Variants in RAD51AP1 observed in about 807,000 individuals in gnomAD.
RAD51AP1 encodes the protein RAD51 associated protein 1.
Under a neutral mutation model 34.3 loss-of-function variants are expected in RAD51AP1, and 14 were observed. That is an observed-to-expected ratio of 0.41 (90% confidence interval 0.27 to 0.64). The LOEUF (loss-of-function observed/expected upper bound fraction) is 0.64. Ranked by LOEUF, RAD51AP1 falls within the 30% of genes least tolerant of loss-of-function variation. The pLI, the probability that RAD51AP1 is intolerant of heterozygous loss-of-function variation, is 0.33. For synonymous variants in RAD51AP1, 114 were observed against 129.8 expected, an observed-to-expected ratio of 0.88 and a Z score of 0.83; for missense variants, 348 against 386.9, an observed-to-expected ratio of 0.90 and a Z score of 0.84.
chr12:4,548,182 A>C lies in RAD51AP1; in HGVS notation c.406+4A>C, dbSNP rs373262558. The C allele has an allele frequency of 6.3e-7, 1 of 1,584,682 alleles. No homozygotes were observed. The highest frequency in any genetic ancestry group is 1.4e-5 in the African/African-American group (1 of 73,120). ...AGTGTAGCCAGTGATTATTTAGGTA[A>C]GTTTTTTATATTAATAATTTTTCTC... On this transcript the variant is annotated splice_donor_region_variant and intron_variant, in intron 5 of 8. Transcript: ENST00000352618.
At chr12:4,545,403 A>G in intron 3 of RAD51AP1, 1 of 317,704 alleles carries the variant, frequency 3.1e-6, no homozygotes, top group Non-Finnish European at 6.2e-6. Context: ...CTAGGAGGGG[A>G]GAGGGGTAAA....
At chr12:4,547,790 C>T (rs1007909990) in intron 4 of RAD51AP1, among the ~76,000 whole-genome samples, 1 of 152,144 alleles carries the variant, frequency 6.6e-6, no homozygotes, top group Non-Finnish European at 1.5e-5. Flanking sequence ...TTCTGTAATA[C>T]CACTGGGTAA....
At chr12:4,541,071 TAATGCCCTCTGAAGTAGTACAAGTTG>T (rs919299719) in intron 1 of RAD51AP1, among the ~76,000 whole-genome samples, 2 of 152,210 alleles carry the variant, frequency 1.3e-5, no homozygotes, top group Non-Finnish European at 2.9e-5. Context: ...CATTTTCTTC[TAATGCCCTCTGAAGTAGTACAAGTTG>T]AGCATCCCAA....
At chr12:4,552,850 C>A in intron 6 of RAD51AP1, 133 bp from the exon 7 acceptor site, 3 of 741,498 alleles carry the variant, frequency 4.0e-6, no homozygotes, top group Non-Finnish European at 5.9e-6. Context: ...ACAATGGCAA[C>A]CACTGCAGTG....
chr12:4,550,874 A>T (rs1944541561), intron 6 of RAD51AP1, among the ~76,000 whole-genome samples: 1 of 152,186 alleles, frequency 6.6e-6, no homozygotes, highest in Non-Finnish European at 1.5e-5. Flanking sequence ...TCCTGACCTC[A>T]TGTGATCCAC....
intron 7 of RAD51AP1, among the ~76,000 whole-genome samples, chr12:4,554,871 A>C (rs1011521705): frequency 6.6e-6 from 1 of 152,248 alleles, no homozygotes; most frequent in Admixed American, 6.5e-5. Context: ...ATGTGTGGCT[A>C]TATTACATTT....
chr12:4,545,793 G>T, intron 3 of RAD51AP1: 3 of 1,613,196 alleles, frequency 1.9e-6, no homozygotes, highest in Non-Finnish European at 2.5e-6. Flanking sequence ...CTCCCTGAAG[G>T]TACTTTTAGT....
chr12:4,544,480 A>T (rs1386900327), intron 3 of RAD51AP1, among the ~76,000 whole-genome samples: 1 of 152,190 alleles, frequency 6.6e-6, no homozygotes, highest in African/African-American at 2.4e-5. Flanking sequence ...GAAGGGGAAT[A>T]TTAACAAATG....
chr12:4,546,653 G>A (rs918354266), intron 4 of RAD51AP1, among the ~76,000 whole-genome samples: 1 of 152,174 alleles, frequency 6.6e-6, no homozygotes, highest in African/African-American at 2.4e-5. Context: ...CACGGACTGT[G>A]AGCCTCAGTG....
intron 1 of RAD51AP1, among the ~76,000 whole-genome samples, chr12:4,541,550 G>A (rs903429915): frequency 6.6e-6 from 1 of 152,054 alleles, no homozygotes; most frequent in Admixed American, 6.6e-5. Flanking sequence ...ATTATTCTTT[G>A]TAAGTTACCT....
rs149232922 is a variant in RAD51AP1 at position 4,539,627 on chromosome 12, A to G, written c.17+671A>G. On this transcript the variant is annotated intron_variant, in intron 1 of 8. Coordinates refer to ENST00000352618, the MANE Select transcript of RAD51AP1 (RefSeq NM_006479.5). ...GAAAGAGGAAAGCACTACTTTAAATATAGTAGTTAATATGTGACTCTGAGG... is the reference window on the plus strand; with the variant it reads ...GAAAGAGGAAAGCACTACTTTAAATGTAGTAGTTAATATGTGACTCTGAGG... Among the ~76,000 whole-genome samples the G allele has an allele frequency of 1.6e-3, 245 of 152,300 alleles. 1 individual carries two copies. Among genetic ancestry groups the G allele is most frequent in the African/African-American group, 5.6e-3 (231 of 41,562 alleles).
At chr12:4,542,091 T>A (rs1479715627) in intron 2 of RAD51AP1, among the ~76,000 whole-genome samples, 158 bp downstream of exon 2, 1 of 152,214 alleles carries the variant, frequency 6.6e-6, no homozygotes, top group Non-Finnish European at 1.5e-5. Context: ...ATTATGCTGA[T>A]AATTATACTG....
In RAD51AP1 at chr12:4,542,983, A is replaced by G. The variant is rs567279553; in HGVS notation, c.68-780A>G. Among the ~76,000 whole-genome samples the G allele has an allele frequency of 2.6e-5, 4 of 152,316 alleles. No homozygotes were observed. In the East Asian group the frequency reaches 7.7e-4, roughly 29 times the overall value. On this transcript the variant is annotated intron_variant, in intron 2 of 8. Transcript: ENST00000352618. ...ATACTACTATTGTAAAAATCCTCAAATAGGAGCTACTTTCTCTTCCCCCCA... is the reference window on the plus strand; with the variant it reads ...ATACTACTATTGTAAAAATCCTCAAGTAGGAGCTACTTTCTCTTCCCCCCA...
At chr12:4,558,326 A>C (rs569609845) in intron 8 of RAD51AP1, among the ~76,000 whole-genome samples, 8 of 152,230 alleles carry the variant, frequency 5.3e-5, no homozygotes, top group African/African-American at 1.9e-4. Flanking sequence ...TGTGTAGGCG[A>C]GCAACTACAG....
intron 8 of RAD51AP1, 68 bp downstream of exon 8, chr12:4,556,570 A>G (rs1944584868): frequency 6.4e-7 from 1 of 1,550,468 alleles, no homozygotes; most frequent in Non-Finnish European, 8.8e-7. Flanking sequence ...TTTCCTAGTT[A>G]CAAACATCAT....
At chr12:4,554,328 T>G (rs1944567835) in intron 7 of RAD51AP1, among the ~76,000 whole-genome samples, 1 of 152,220 alleles carries the variant, frequency 6.6e-6, no homozygotes, top group Non-Finnish European at 1.5e-5. Flanking sequence ...AAGGACCCTG[T>G]GATTACATTG....
intron 4 of RAD51AP1, 56 bp downstream of exon 4, chr12:4,546,474 A>G: frequency 7.5e-7 from 1 of 1,332,036 alleles, no homozygotes; most frequent in Non-Finnish European, 1.1e-6. Flanking sequence ...TTTTGTGATT[A>G]TTTGTTTGGG....
chr12:4,544,653 C>T (rs1944493275), intron 3 of RAD51AP1, among the ~76,000 whole-genome samples: 1 of 151,954 alleles, frequency 6.6e-6, no homozygotes, highest in Admixed American at 6.6e-5. Context: ...AAAAGGAACC[C>T]ACACGTGGGA....
At chr12:4,545,939 G>A in intron 3 of RAD51AP1, 1 of 1,333,022 alleles carries the variant, frequency 7.5e-7, no homozygotes, top group Non-Finnish European at 1.0e-6. Context: ...CTGCTAAAGG[G>A]GAGTGGGTGA....
Sources: allele counts gnomAD v4.1 joint callset (sites outside exome capture counted in the v4.1 genomes callset), GRCh38; gene constraint gnomAD v4.1.1; transcripts MANE v1.5; gene names NCBI Gene and HGNC (gene_info 2026-07-23, HGNC 2026-07-21).